Variants in NRXN1 observed in about 807,000 individuals in gnomAD.
NRXN1 encodes neurexin-1.
NRXN1 carries 39 observed loss-of-function variants against 150.9 expected under a neutral mutation model. That is an observed-to-expected ratio of 0.26 (90% confidence interval 0.20 to 0.34). The LOEUF (loss-of-function observed/expected upper bound fraction) is 0.34, where lower values mean the gene tolerates loss of function less well. Among genes scored for constraint, NRXN1 ranks in the 10% least tolerant of loss-of-function variants. The pLI, the probability that NRXN1 is intolerant of heterozygous loss-of-function variation, is 1.00. For missense variants in NRXN1, 1,815 were observed against 1,949.9 expected (o/e 0.93, Z 1.30); for synonymous variants, 924 against 757.0 (o/e 1.22, Z -3.62).
chr2:50,063,479 C>T (rs993738058), intron 19 of NRXN1, among the ~76,000 whole-genome samples: 2 of 150,368 alleles, frequency 1.3e-5, no homozygotes, highest in Non-Finnish European at 1.5e-5. Context: ...ACTTTGAACC[C>T]GACATTCTCC....
At chr2:50,928,905 A>G (rs1301391896) in intron 2 of NRXN1, among the ~76,000 whole-genome samples, 1 of 152,062 alleles carries the variant, frequency 6.6e-6, no homozygotes, top group Non-Finnish European at 1.5e-5. Flanking sequence ...CACGCCACCT[A>G]TAAAGATCAC....
chr2:50,864,199 T>G (rs1007193773), intron 5 of NRXN1, among the ~76,000 whole-genome samples: 1 of 151,992 alleles, frequency 6.6e-6, no homozygotes, highest in African/African-American at 2.4e-5. Context: ...ATTCATCCAT[T>G]TAAGAAATCT....
intron 5 of NRXN1, among the ~76,000 whole-genome samples, chr2:50,771,898 A>G (rs1703055442): frequency 6.6e-6 from 1 of 152,162 alleles, no homozygotes; most frequent in South Asian, 2.1e-4. Context: ...ATCAGGGGTG[A>G]GAGTACACAA....
At chr2:50,075,938 C>T (rs1697031207) in intron 19 of NRXN1, among the ~76,000 whole-genome samples, 1 of 152,192 alleles carries the variant, frequency 6.6e-6, no homozygotes, top group South Asian at 2.1e-4. Flanking sequence ...TCTAACTCTA[C>T]ACAGTGCCCT....
chr2:50,253,368 T>C (rs1184974837), intron 17 of NRXN1, among the ~76,000 whole-genome samples: 1 of 152,188 alleles, frequency 6.6e-6, no homozygotes, highest in African/African-American at 2.4e-5. Flanking sequence ...CAGAGACAGT[T>C]TAACTTCCTT....
At chr2:50,814,261 T>C (rs1668621586) in intron 5 of NRXN1, among the ~76,000 whole-genome samples, 1 of 152,128 alleles carries the variant, frequency 6.6e-6, no homozygotes, top group African/African-American at 2.4e-5. Context: ...CCTCCCAAAG[T>C]GCTGGGATTA....
At chr2:50,571,551 G>C (rs1670663389) in intron 8 of NRXN1, among the ~76,000 whole-genome samples, 1 of 152,080 alleles carries the variant, frequency 6.6e-6, no homozygotes, top group Admixed American at 6.6e-5. Context: ...TTTGATAAGT[G>C]TGTAGTTCTG....
At chr2:50,937,990 C>T (rs531840675) in intron 2 of NRXN1, among the ~76,000 whole-genome samples, 2 of 152,212 alleles carry the variant, frequency 1.3e-5, no homozygotes, top group Non-Finnish European at 2.9e-5. Context: ...TAGCATGTTA[C>T]TGTACTAAAT....
intron 5 of NRXN1, among the ~76,000 whole-genome samples, chr2:50,796,218 T>G (rs922414920): frequency 6.6e-6 from 1 of 152,142 alleles, no homozygotes; most frequent in African/African-American, 2.4e-5. Flanking sequence ...TGGCTGCTGG[T>G]GATAGAGAAA....
chr2:50,995,795 T>G (rs145309900), intron 2 of NRXN1, among the ~76,000 whole-genome samples: 70 of 152,132 alleles, frequency 4.6e-4, no homozygotes, highest in African/African-American at 1.3e-3. Flanking sequence ...AGCTCAGAGA[T>G]TCACAGCAAT....
At chr2:50,193,410 C>T (rs937496925) in intron 18 of NRXN1, among the ~76,000 whole-genome samples, 3 of 152,114 alleles carry the variant, frequency 2.0e-5, no homozygotes, top group Admixed American at 6.5e-5. Context: ...AACAAAGCTG[C>T]TGTGTTATCA....
intron 8 of NRXN1, among the ~76,000 whole-genome samples, chr2:50,579,157 TG>T (rs1671875441): frequency 6.6e-6 from 1 of 152,322 alleles, no homozygotes; most frequent in African/African-American, 2.4e-5. Context: ...TGAGGCGTCT[TG>T]TTTTGCACCA....
At chr2:50,129,123 G>C (rs1212679185) in intron 18 of NRXN1, among the ~76,000 whole-genome samples, 1 of 152,084 alleles carries the variant, frequency 6.6e-6, no homozygotes, top group Non-Finnish European at 1.5e-5. Context: ...TGATGCCACA[G>C]AAAGCCAAAC....
intron 5 of NRXN1, among the ~76,000 whole-genome samples, chr2:50,646,933 G>A (rs1020104662): frequency 1.3e-5 from 2 of 151,638 alleles, no homozygotes; most frequent in East Asian, 3.9e-4. Context: ...CTATGCCTGT[G>A]AATACAGAGT....
intron 21 of NRXN1, among the ~76,000 whole-genome samples, chr2:50,028,236 T>C (rs1249728987): frequency 6.6e-6 from 1 of 152,212 alleles, no homozygotes; most frequent in Non-Finnish European, 1.5e-5. Flanking sequence ...TTTTTGTGGA[T>C]ATACTGAGGG....
At chr2:50,390,225 A>T (rs781492470) in intron 17 of NRXN1, among the ~76,000 whole-genome samples, 13 of 152,162 alleles carry the variant, frequency 8.5e-5, no homozygotes, top group Non-Finnish European at 1.3e-4. Context: ...TTTCACCTGG[A>T]GGACAATGGG....
At chr2:50,503,901 AGC>A (rs1334328617) in intron 13 of NRXN1, among the ~76,000 whole-genome samples, 3 of 152,166 alleles carry the variant, frequency 2.0e-5, no homozygotes, top group African/African-American at 7.2e-5. Context: ...AGACATGGGC[AGC>A]GTATGCCCCA....
intron 21 of NRXN1, among the ~76,000 whole-genome samples, chr2:50,031,900 T>C (rs771503472): frequency 2.0e-5 from 3 of 152,046 alleles, no homozygotes; most frequent in Admixed American, 6.6e-5. Context: ...GTCTCACTAG[T>C]TCCTAATGAA....
In NRXN1 at chr2:50,626,128, A is replaced by C. The variant is rs1680990367; in HGVS notation, c.833-2513T>G. Reference sequence around the variant, plus strand: ...ATATTGCACAAATTGAAACACTAAAATAATCTACAGAAATTATTTGGCTTA... The same window carrying C: ...ATATTGCACAAATTGAAACACTAAACTAATCTACAGAAATTATTTGGCTTA... On this transcript the variant is annotated intron_variant, in intron 5 of 22. Transcript: ENST00000401669. 1.3e-5 allele frequency among the ~76,000 whole-genome samples: 2 copies of C among 152,002 alleles called. 1 individual carries two copies. Among genetic ancestry groups the C allele is most frequent in the Admixed American group, 1.3e-4 (2 of 15,208 alleles).
Sources: gnomAD v4.1 joint callset for allele counts (sites outside exome capture counted in the v4.1 genomes callset) on GRCh38, gnomAD v4.1.1 for gene constraint, MANE v1.5 for transcripts, NCBI Gene and HGNC (gene_info 2026-07-23, HGNC 2026-07-21) for gene names.